Variants in PBRM1 observed in about 807,000 individuals in gnomAD.
PBRM1 encodes polybromo 1.
Under a neutral mutation model 194.5 loss-of-function variants are expected in PBRM1, and 27 were observed. That is an observed-to-expected ratio of 0.14 (90% CI 0.10 to 0.19). PBRM1 has a LOEUF of 0.19. Ranked by LOEUF, PBRM1 falls within the 10% of genes least tolerant of loss-of-function variation. The pLI, the probability that PBRM1 is intolerant of heterozygous loss-of-function variation, is 1.00. For synonymous variants in PBRM1, 655 were observed against 693.2 expected, an observed-to-expected ratio of 0.94 and a Z score of 0.87; for missense variants, 1,466 against 2,077.2, an observed-to-expected ratio of 0.71 and a Z score of 5.72.
At chr3:52,636,898 G>C (rs2153665801) in intron 10 of PBRM1, among the ~76,000 whole-genome samples, 1 of 147,228 alleles carries the variant, frequency 6.8e-6, no homozygotes, top group East Asian at 2.1e-4. Flanking sequence ...TTAAGAGCTT[G>C]ATAAGTACCA....
At chr3:52,635,069 G>C (rs1261676531) in intron 10 of PBRM1, among the ~76,000 whole-genome samples, 2 of 152,006 alleles carry the variant, frequency 1.3e-5, no homozygotes, top group African/African-American at 4.8e-5. Flanking sequence ...AAGAAGACAG[G>C]TGCACACCAT....
chr3:52,650,361 CAAAAAAAAAA>C (rs776692798), intron 6 of PBRM1, among the ~76,000 whole-genome samples: 1 of 35,660 alleles, frequency 2.8e-5, no homozygotes, highest in African/African-American at 8.9e-5. Context: ...AAGACTGTCT[CAAAAAAAAAA>C]AAAAAAAAAA....
In PBRM1 at chr3:52,554,658, T is replaced by C. The variant is rs535427007; in HGVS notation, c.4609+66A>G. 2.9e-6 allele frequency: 4 copies of C among 1,393,778 alleles called. No individual in the cohort carries two copies. The African/African-American group carries it at 4.5e-5, about 16-fold the overall frequency. 86.3% of individuals were successfully genotyped at this position (1,393,778 alleles called of 1,614,324 possible). ...GGCCACGGGTGCCTCCTGGAACAAC[T>C]GGTTGAAAGCGGAAAAAGAGAATAT... is the stretch of plus-strand genomic sequence containing the variant. On this transcript the variant is annotated intron_variant, in intron 27 of 29. Transcript: ENST00000296302.
In PBRM1 at chr3:52,625,012, A is replaced by G; in HGVS notation, c.1541+2261T>C. The G allele has an allele frequency of 3.0e-6, 3 of 1,000,196 alleles. No individual in the cohort carries two copies. In the South Asian group the frequency reaches 4.1e-5, roughly 14 times the overall value. 62.0% of individuals were successfully genotyped at this position (1,000,196 alleles called of 1,614,324 possible). A position where few individuals can be genotyped will look rare whatever the true frequency, so the allele number is the denominator to read the frequency against. ...AGCAACATTGGAGGGTCATGTACAAACCATGTATGGTTGAAGAAAAAGATT... is the reference window on the plus strand; with the variant it reads ...AGCAACATTGGAGGGTCATGTACAAGCCATGTATGGTTGAAGAAAAAGATT... On this transcript the variant is annotated intron_variant, in intron 13 of 29. Coordinates refer to ENST00000296302, the Ensembl canonical transcript of PBRM1.
chr3:52,672,419 C>G (rs1390920853), intron 2 of PBRM1, among the ~76,000 whole-genome samples: 2 of 151,638 alleles, frequency 1.3e-5, no homozygotes, highest in African/African-American at 4.8e-5. Flanking sequence ...ATTTGGGCAC[C>G]AGTTTTCTGA....
intron 12 of PBRM1, 49 bp from the exon 14 acceptor site, chr3:52,627,419 T>C: frequency 9.5e-7 from 1 of 1,052,168 alleles, no homozygotes; most frequent in Non-Finnish European, 1.5e-6. Context: ...CAAACACTCC[T>C]CTGAATATAT....
At chr3:52,638,857 C>T (rs1190066946) in intron 10 of PBRM1, among the ~76,000 whole-genome samples, 1 of 151,874 alleles carries the variant, frequency 6.6e-6, no homozygotes, top group East Asian at 1.9e-4. Context: ...CCTCTGCCTC[C>T]CAAAGTGTTG....
At chr3:52,558,502 C>T (rs955426258) in intron 25 of PBRM1, 89 bp from the exon 28 acceptor site, 2 of 1,135,334 alleles carry the variant, frequency 1.8e-6, no homozygotes, top group African/African-American at 1.6e-5. Flanking sequence ...AGTAAAAACA[C>T]AGGCAACAGT....
intron 5 of PBRM1, among the ~76,000 whole-genome samples, chr3:52,656,124 T>C (rs778175145): frequency 5.9e-5 from 9 of 152,240 alleles, no homozygotes; most frequent in African/African-American, 1.9e-4. Context: ...TGCAGTTTCA[T>C]AGGCTAATGT....
chr3:52,599,491 G>A (rs189970930), intron 17 of PBRM1, among the ~76,000 whole-genome samples: 3 of 151,954 alleles, frequency 2.0e-5, no homozygotes, highest in Admixed American at 2.0e-4. Context: ...ATAAACTTCA[G>A]GGAAATGCAA....
At chr3:52,634,713 C>T (rs759670972) in exon 11 of PBRM1, 15 of 1,613,458 alleles carry the variant, frequency 9.3e-6, no homozygotes, top group Non-Finnish European at 1.1e-5. Flanking sequence ...TTGGTTATTC[C>T]GACAACTCCT....
chr3:52,589,297 C>G (rs1560125621), intron 17 of PBRM1, 42 bp from the exon 20 acceptor site: 2 of 1,329,966 alleles, frequency 1.5e-6, no homozygotes, highest in South Asian at 3.1e-5. Flanking sequence ...AAGGTACTCA[C>G]CAAAGGGATG....
chr3:52,593,284 GCT>G (rs1437249731), intron 17 of PBRM1, among the ~76,000 whole-genome samples: 1 of 151,566 alleles, frequency 6.6e-6, no homozygotes, highest in Non-Finnish European at 1.5e-5. Context: ...CAAGAGTCTT[GCT>G]CTGTCACCCA....
At chr3:52,572,535 C>G (rs542654326) in intron 22 of PBRM1, among the ~76,000 whole-genome samples, 1 of 152,140 alleles carries the variant, frequency 6.6e-6, no homozygotes, top group African/African-American at 2.4e-5. Flanking sequence ...CCACAGCTGG[C>G]TAATTTTTTT....
chr3:52,586,748 C>CAAAAAAAAAA (rs35352950), intron 19 of PBRM1, 60 bp from the exon 22 acceptor site: 25 of 183,860 alleles, frequency 1.4e-4, no homozygotes, highest in African/African-American at 3.2e-4. Context: ...GAAAATCAAT[C>CAAAAAAAAAA]AAAAAAAAAA....
intron 11 of PBRM1, among the ~76,000 whole-genome samples, chr3:52,631,988 T>G (rs1228919505): frequency 6.6e-6 from 1 of 152,212 alleles, no homozygotes; most frequent in Non-Finnish European, 1.5e-5. Context: ...AGATATTTAT[T>G]CTTTTGAATG....
chr3:52,643,271 T>C (rs1368313970), exon 9 of PBRM1: 1 of 1,613,546 alleles, frequency 6.2e-7, no homozygotes, highest in East Asian at 2.2e-5. Flanking sequence ...TAGTGGGATT[T>C]CTCTCTTCAC....
At chr3:52,557,604 T>C (rs1275514893) in intron 26 of PBRM1, among the ~76,000 whole-genome samples, 2 of 143,238 alleles carry the variant, frequency 1.4e-5, no homozygotes, top group African/African-American at 5.1e-5. Flanking sequence ...ACAAACCACA[T>C]TCATCATTTT....
At chr3:52,563,395 T>C (rs907961765) in exon 24 of PBRM1, 1 of 1,613,858 alleles carries the variant, frequency 6.2e-7, no homozygotes, top group Non-Finnish European at 8.5e-7. Flanking sequence ...CTCTTCAATA[T>C]CATCATCTCC....
Sources: gnomAD v4.1 joint callset for allele counts (sites outside exome capture counted in the v4.1 genomes callset) on GRCh38, gnomAD v4.1.1 for gene constraint, MANE v1.5 for transcripts, NCBI Gene and HGNC (gene_info 2026-07-23, HGNC 2026-07-21) for gene names.